The following JAZF1 variants were observed in gnomAD, a reference collection of about 807,000 sequenced individuals.
The protein encoded by JAZF1 is JAZF zinc finger 1, also known as juxtaposed with another zinc finger protein 1.
JAZF1 carries 8 observed loss-of-function variants against 26.4 expected under a neutral mutation model. The ratio of observed to expected loss-of-function variants is 0.30; its 90% CI spans 0.18 to 0.55. JAZF1 has a LOEUF of 0.55. JAZF1 is among the 20% of genes least tolerant of loss of function. The pLI is 0.94. For missense variants in JAZF1, 199 were observed against 322.0 expected (o/e 0.62, Z 2.92); for synonymous variants, 126 against 122.3 (o/e 1.03, Z -0.20).
intron 1 of JAZF1, among the ~76,000 whole-genome samples, chr7:28,134,688 C>T (rs1782851540): frequency 6.6e-6 from 1 of 151,956 alleles, no homozygotes; most frequent in Admixed American, 6.6e-5. Context: ...TGCAGGCCAT[C>T]AATTAGAACC....
intron 3 of JAZF1, among the ~76,000 whole-genome samples, chr7:27,862,000 A>C (rs1442858795): frequency 6.6e-6 from 1 of 152,156 alleles, no homozygotes; most frequent in Non-Finnish European, 1.5e-5. Flanking sequence ...GCTCTGGTTC[A>C]GCATCTCCAG....
chr7:28,085,647 T>C (rs1210748697), intron 1 of JAZF1, among the ~76,000 whole-genome samples: 2 of 152,240 alleles, frequency 1.3e-5, no homozygotes, highest in Admixed American at 1.3e-4. Flanking sequence ...ATGTTAACTA[T>C]TGCTTTGCAA....
intron 3 of JAZF1, among the ~76,000 whole-genome samples, chr7:27,872,026 C>G (rs904310041): frequency 1.2e-4 from 18 of 152,308 alleles, no homozygotes; most frequent in Non-Finnish European, 1.2e-4. Context: ...GCCTATGGTG[C>G]TGTTGAGGCT....
At chr7:27,837,301 G>C (rs1782833529) in intron 4 of JAZF1, among the ~76,000 whole-genome samples, 1 of 152,252 alleles carries the variant, frequency 6.6e-6, no homozygotes, top group Non-Finnish European at 1.5e-5. Context: ...TCTGTTCCCT[G>C]AATTCAGGCG....
At chr7:27,872,895 A>G (rs1369189643) in intron 3 of JAZF1, among the ~76,000 whole-genome samples, 1 of 152,178 alleles carries the variant, frequency 6.6e-6, no homozygotes, top group Non-Finnish European at 1.5e-5. Context: ...AACAAAAAGT[A>G]CCTACGCAAC....
At chr7:28,172,735 G>A (rs1783489726) in intron 1 of JAZF1, among the ~76,000 whole-genome samples, 1 of 152,076 alleles carries the variant, frequency 6.6e-6, no homozygotes, top group Admixed American at 6.5e-5. Context: ...TTCTCTCTCT[G>A]ACCCTCCCCT....
chr7:27,844,774 T>G (rs1372999595), intron 3 of JAZF1, among the ~76,000 whole-genome samples: 1 of 152,224 alleles, frequency 6.6e-6, no homozygotes, highest in African/African-American at 2.4e-5. Flanking sequence ...CTGCCCTGCA[T>G]GCCAGCTGGG....
At chr7:28,015,208 C>T (rs1782867947) in intron 1 of JAZF1, among the ~76,000 whole-genome samples, 1 of 152,104 alleles carries the variant, frequency 6.6e-6, no homozygotes, top group Middle Eastern at 3.2e-3. Flanking sequence ...GTCCAACAAC[C>T]ACGTGGGAAA....
chr7:27,887,362 T>C (rs1355300499), intron 3 of JAZF1, among the ~76,000 whole-genome samples: 2 of 152,176 alleles, frequency 1.3e-5, no homozygotes, highest in Admixed American at 6.5e-5. Context: ...TTGTGCACTA[T>C]AAGGTTAGAA....
intron 2 of JAZF1, among the ~76,000 whole-genome samples, chr7:27,920,776 A>G (rs1414303582): frequency 6.6e-6 from 1 of 152,194 alleles, no homozygotes; most frequent in East Asian, 1.9e-4. Context: ...AAATTACCAT[A>G]ATATAATGAT....
chr7:27,832,785 G>C lies in JAZF1; in HGVS notation c.*15C>G. 1 of 1,545,374 alleles carries C rather than the reference G, an allele frequency of 6.5e-7. No homozygotes were observed. The highest frequency in any genetic ancestry group is 8.8e-7 in the Non-Finnish European group (1 of 1,141,148). The stretch of plus-strand genomic sequence containing the variant: ...CTGCTGGTGAGGATTTCTTGGCACA[G>C]TTATGACCAGCATGTTATTGCTGCA... On this transcript the variant is annotated 3_prime_UTR_variant, in exon 5 of 5. Coordinates refer to ENST00000283928, the MANE Select transcript of JAZF1 (RefSeq NM_175061.4).
At chr7:28,146,103 C>T (rs1052612303) in intron 1 of JAZF1, among the ~76,000 whole-genome samples, 4 of 152,208 alleles carry the variant, frequency 2.6e-5, no homozygotes, top group Non-Finnish European at 2.9e-5. Flanking sequence ...AATGTCAACA[C>T]AGCTGTGGCC....
At chr7:28,005,503 A>C (rs529941893) in intron 1 of JAZF1, among the ~76,000 whole-genome samples, 1 of 152,102 alleles carries the variant, frequency 6.6e-6, no homozygotes, top group East Asian at 1.9e-4. Flanking sequence ...ATCAAATGTA[A>C]GTGCACATAG....
At chr7:27,881,173 C>T (rs892578865) in intron 3 of JAZF1, among the ~76,000 whole-genome samples, 3 of 152,148 alleles carry the variant, frequency 2.0e-5, no homozygotes, top group African/African-American at 7.2e-5. Context: ...GGGGCCTATT[C>T]ATCTCCCGGG....
rs180880841 is a variant in JAZF1 at position 28,019,135 on chromosome 7, A to C, written c.116-27154T>G. Among the ~76,000 whole-genome samples the C allele has an allele frequency of 8.5e-5, 13 of 152,248 alleles. No individual in the cohort carries two copies. In the East Asian group the frequency reaches 2.5e-3, roughly 29 times the overall value. On this transcript the variant is annotated intron_variant, in intron 1 of 4. Coordinates refer to ENST00000283928, the MANE Select transcript of JAZF1 (RefSeq NM_175061.4). ...TCTTCACACTGACACAGTACTTCTA[A>C]AGTTATACTCCAGAAGCCCTCTGCT... is the stretch of plus-strand genomic sequence containing the variant.
intron 2 of JAZF1, among the ~76,000 whole-genome samples, chr7:27,987,722 A>C (rs1334269821): frequency 6.6e-6 from 1 of 152,280 alleles, no homozygotes; most frequent in African/African-American, 2.4e-5. Flanking sequence ...ACGGGCCATG[A>C]TGACGATGGC....
chr7:27,897,897 T>C (rs2128342502), intron 2 of JAZF1, among the ~76,000 whole-genome samples: 1 of 152,206 alleles, frequency 6.6e-6, no homozygotes, highest in Admixed American at 6.5e-5. Context: ...CATCTGTGAG[T>C]CTGAATGTTC....
intron 2 of JAZF1, among the ~76,000 whole-genome samples, chr7:27,911,771 C>T (rs1024398497): frequency 2.0e-5 from 3 of 151,858 alleles, no homozygotes; most frequent in Non-Finnish European, 4.4e-5. Context: ...GAGTCATCCA[C>T]CCAGAGGAGA....
chr7:27,854,381 A>C (rs1783205856), intron 3 of JAZF1, among the ~76,000 whole-genome samples: 1 of 152,190 alleles, frequency 6.6e-6, no homozygotes, highest in Non-Finnish European at 1.5e-5. Context: ...TAAGGTTAAT[A>C]TTGTTATGTA....
Sources: gnomAD v4.1 joint callset for allele counts (sites outside exome capture counted in the v4.1 genomes callset) on GRCh38, gnomAD v4.1.1 for gene constraint, MANE v1.5 for transcripts, NCBI Gene and HGNC (gene_info 2026-07-23, HGNC 2026-07-21) for gene names.